KIAA1217: variants seen among roughly 807,000 people sequenced by gnomAD.
KIAA1217 encodes the protein KIAA1217.
In KIAA1217, 88 loss-of-function variants were observed where a neutral mutation model predicts 163.9. The ratio of observed to expected loss-of-function variants is 0.54; its 90% CI spans 0.45 to 0.64. KIAA1217 has a LOEUF of 0.64. Ranked by LOEUF, KIAA1217 falls within the 30% of genes least tolerant of loss-of-function variation. The pLI, the probability that KIAA1217 is intolerant of heterozygous loss-of-function variation, is 0.00. For synonymous variants in KIAA1217, 903 were observed against 923.1 expected (o/e 0.98, Z 0.39); for missense variants, 2,372 against 2,475.0 (o/e 0.96, Z 0.88).
intron 5 of KIAA1217, among the ~76,000 whole-genome samples, chr10:24,452,229 C>T (rs528445140): frequency 1.9e-4 from 29 of 152,172 alleles, no homozygotes; most frequent in African/African-American, 6.3e-4. Flanking sequence ...ATACTCTGTC[C>T]GCTTTTGAGG....
intron 2 of KIAA1217, among the ~76,000 whole-genome samples, chr10:24,075,878 A>G (rs2061353760): frequency 6.6e-6 from 1 of 152,232 alleles, no homozygotes; most frequent in Non-Finnish European, 1.5e-5. Flanking sequence ...TGCTAGGATT[A>G]CAGGCATGAG....
At chr10:23,854,985 C>G (rs1332390686) in intron 1 of KIAA1217, among the ~76,000 whole-genome samples, 2 of 152,112 alleles carry the variant, frequency 1.3e-5, no homozygotes, top group Non-Finnish European at 2.9e-5. Flanking sequence ...CAGTCTGTGT[C>G]TTTTAATTGG....
chr10:23,964,155 G>A (rs891093672), intron 1 of KIAA1217, among the ~76,000 whole-genome samples: 6 of 152,030 alleles, frequency 3.9e-5, no homozygotes, highest in Non-Finnish European at 8.8e-5. Context: ...ACCCGCCTCA[G>A]CCTCCCAAAG....
Position 24,498,805 on chromosome 10 carries a change from C to T in KIAA1217, c.1835-2574C>T, listed in dbSNP as rs1229587007. Among the ~76,000 whole-genome samples the T allele has an allele frequency of 5.9e-5, 9 of 152,128 alleles. No homozygotes were observed. In the East Asian group the frequency reaches 1.7e-3, roughly 29 times the overall value. On this transcript the variant is annotated intron_variant, in intron 8 of 20. Transcript: ENST00000376454. Reference sequence around the variant, plus strand: ...TCAAGCCTGAGTGACAGAGCGAAACCATGTTAAAACAAAAAAATTGCGCTG... The same window carrying T: ...TCAAGCCTGAGTGACAGAGCGAAACTATGTTAAAACAAAAAAATTGCGCTG...
chr10:23,774,491 A>G (rs1834927715), intron 1 of KIAA1217, among the ~76,000 whole-genome samples: 1 of 152,142 alleles, frequency 6.6e-6, no homozygotes, highest in African/African-American at 2.4e-5. Context: ...GCGCCCTAGA[A>G]TGCCCTGCAG....
At chr10:24,251,755 C>T (rs989911893) in intron 2 of KIAA1217, among the ~76,000 whole-genome samples, 1 of 151,454 alleles carries the variant, frequency 6.6e-6, no homozygotes, top group Non-Finnish European at 1.5e-5. Context: ...GGAATTTCAC[C>T]TTTGTTGTTG....
At chr10:24,488,173 G>A (rs1366373136) in intron 6 of KIAA1217, among the ~76,000 whole-genome samples, 1 of 152,176 alleles carries the variant, frequency 6.6e-6, no homozygotes, top group African/African-American at 2.4e-5. Context: ...TTCTGAGTTA[G>A]AACTCAAGGT....
chr10:24,366,187 G>A (rs993203276), intron 2 of KIAA1217, among the ~76,000 whole-genome samples: 17 of 152,138 alleles, frequency 1.1e-4, no homozygotes, highest in African/African-American at 3.9e-4. Flanking sequence ...GCTCACAAAT[G>A]TAATTCCAGC....
chr10:24,145,089 C>T (rs1341222784), intron 2 of KIAA1217, among the ~76,000 whole-genome samples: 1 of 152,146 alleles, frequency 6.6e-6, no homozygotes, highest in Non-Finnish European at 1.5e-5. Context: ...CTTAAAGGTC[C>T]TGTTTCAGGG....
At chr10:23,919,606 TAAAAA>T (rs66850484) in intron 1 of KIAA1217, among the ~76,000 whole-genome samples, 2 of 76,708 alleles carry the variant, frequency 2.6e-5, no homozygotes, top group Non-Finnish European at 4.9e-5. Context: ...ACTCCTTCTC[TAAAAA>T]AAAAAAAAAA....
chr10:24,475,108 A>G (rs1311545988), intron 6 of KIAA1217, among the ~76,000 whole-genome samples: 2 of 152,014 alleles, frequency 1.3e-5, no homozygotes, highest in Admixed American at 1.3e-4. Context: ...AATCTCAGCT[A>G]CTCGGGAGGC....
intron 2 of KIAA1217, among the ~76,000 whole-genome samples, chr10:24,334,453 A>AAGGAAGGG (rs1206036069): frequency 1.8e-4 from 27 of 147,548 alleles, no homozygotes; most frequent in Non-Finnish European, 3.1e-4. Flanking sequence ...GGAAGGAAGG[A>AAGGAAGGG]AGGAAGGAAG....
intron 1 of KIAA1217, among the ~76,000 whole-genome samples, chr10:23,843,657 TC>T (rs1463729691): frequency 1.9e-4 from 29 of 152,158 alleles, no homozygotes; most frequent in African/African-American, 7.0e-4. Context: ...CAGCAAGAAA[TC>T]AGAGAGAAGG....
intron 1 of KIAA1217, among the ~76,000 whole-genome samples, chr10:23,754,562 G>A (rs1188997791): frequency 6.6e-6 from 1 of 152,216 alleles, no homozygotes; most frequent in Non-Finnish European, 1.5e-5. Flanking sequence ...GCCTTTAGCA[G>A]TGCTCCATTC....
intron 2 of KIAA1217, among the ~76,000 whole-genome samples, chr10:24,124,645 T>A (rs1199021862): frequency 6.6e-6 from 1 of 152,148 alleles, no homozygotes; most frequent in Non-Finnish European, 1.5e-5. Context: ...ATCAAGAAAG[T>A]GTTTTTCATG....
chr10:24,365,681 G>A (rs1198048793), intron 2 of KIAA1217, among the ~76,000 whole-genome samples: 1 of 151,900 alleles, frequency 6.6e-6, no homozygotes, highest in African/African-American at 2.4e-5. Flanking sequence ...TTCTCTTCAA[G>A]GTCTCTTCAA....
rs1161680412 is a variant in KIAA1217, at chr10:24,135,444, G to A, written c.-170-84182G>A. ...CCGCTGGGATTGGCGTGGGGACTGG[G>A]CGGGGCTGAGTTTGCAGGTTCCCAG... is the stretch of plus-strand genomic sequence containing the variant. On this transcript the variant is annotated intron_variant, in intron 2 of 18. Transcript: ENST00000376462. 2.0e-5 allele frequency among the ~76,000 whole-genome samples: 3 copies of A among 151,998 alleles called. No individual in the cohort carries two copies. The East Asian group carries it at 5.8e-4, about 30-fold the overall frequency.
At chr10:24,275,087 G>A (rs956620931) in intron 2 of KIAA1217, among the ~76,000 whole-genome samples, 3 of 152,082 alleles carry the variant, frequency 2.0e-5, no homozygotes, top group African/African-American at 7.2e-5. Context: ...ACAGGCACAC[G>A]CCACCATGCC....
intron 2 of KIAA1217, among the ~76,000 whole-genome samples, chr10:24,281,054 T>C (rs1210507168): frequency 6.6e-6 from 1 of 152,196 alleles, no homozygotes; most frequent in Non-Finnish European, 1.5e-5. Context: ...TAGAAAATAA[T>C]GTAATTTTTA....
Sources: gnomAD v4.1 joint callset for allele counts (sites outside exome capture counted in the v4.1 genomes callset) on GRCh38, gnomAD v4.1.1 for gene constraint, MANE v1.5 for transcripts, NCBI Gene and HGNC (gene_info 2026-07-23, HGNC 2026-07-21) for gene names.